Variants in RNF213 observed in about 807,000 individuals in gnomAD.
The protein encoded by RNF213 is E3 ubiquitin-protein ligase RNF213.
RNF213 carries 341 observed loss-of-function variants against 514.4 expected under a neutral mutation model. The observed-to-expected ratio is 0.66, with a 90% CI of 0.61 to 0.73. The LOEUF (loss-of-function observed/expected upper bound fraction) is 0.73. Ranked by LOEUF, RNF213 falls within the 30% of genes least tolerant of loss-of-function variation. The probability of loss-of-function intolerance (pLI) is 0.00; values close to 1 mark genes in which losing one functional copy is unlikely to be tolerated. For synonymous variants in RNF213, 2,655 were observed against 2,658.2 expected (o/e 1.00, Z 0.04); for missense variants, 5,767 against 6,615.6 (o/e 0.87, Z 4.45).
intron 17 of RNF213, 140 bp from the exon 18 acceptor site, chr17:80,324,890 A>G (rs1480807726): frequency 1.8e-5 from 14 of 777,826 alleles, no homozygotes; most frequent in African/African-American, 8.7e-5. Context: ...GTGTTTTACT[A>G]TTTTGCTCTT....
chr17:80,297,297 A>G (rs1048465863), intron 10 of RNF213, among the ~76,000 whole-genome samples: 5 of 151,762 alleles, frequency 3.3e-5, no homozygotes, highest in South Asian at 4.2e-4. Context: ...TAAAAATACA[A>G]AATTTAGCCG....
intron 13 of RNF213, among the ~76,000 whole-genome samples, chr17:80,307,793 G>A (rs896780242): frequency 1.5e-4 from 22 of 149,988 alleles, no homozygotes; most frequent in South Asian, 4.3e-4. Context: ...CAGGTGATCC[G>A]CCTGTCTGGG....
chr17:80,390,447 C>G (rs2080420082), intron 67 of RNF213, among the ~76,000 whole-genome samples: 1 of 152,066 alleles, frequency 6.6e-6, no homozygotes, highest in Admixed American at 6.5e-5. Flanking sequence ...GTGGAGTAAT[C>G]TCAACTCACT....
chr17:80,363,862 A>AC lies in RNF213; in HGVS notation c.11750+72_11750+73insC, dbSNP rs1227808571. ...ACCAGGAGCCTGCCAAGTGCCAGGC[A>AC]TGTCCATGAGAAGACGGGCAGGTGC... On this transcript the variant is annotated intron_variant, in intron 41 of 67. Transcript: ENST00000582970. 20 of 1,457,684 alleles carry AC rather than the reference A, an allele frequency of 1.4e-5. No individual in the cohort carries two copies. The African/African-American group carries it at 2.4e-4, about 17-fold the overall frequency. The allele number at this position is 1,457,684 out of a possible 1,614,324, so 90.3% of individuals were successfully genotyped here.
chr17:80,341,656 C>G (rs559326415), intron 26 of RNF213: 1 of 152,106 alleles, frequency 6.6e-6, no homozygotes, highest in Non-Finnish European at 1.5e-5. Flanking sequence ...GAGGATCGCT[C>G]CAGCCCAAGA....
rs538533953 is a variant in RNF213 at position 80,304,618 on chromosome 17, C to A, written c.2211-1634C>A. Among the ~76,000 whole-genome samples, 762 of 151,966 alleles carry A rather than the reference C, an allele frequency of 5.0e-3. 7 individuals are homozygous for A. The highest frequency in any genetic ancestry group is 0.015 in the African/African-American group (601 of 41,410). ...TCACACCACTGCACTCCAGCCAAGG[C>A]AACAGAGTGAGACTCCAACACAAAT... On this transcript the variant is annotated intron_variant, in intron 11 of 67. Coordinates refer to ENST00000582970, the MANE Select transcript of RNF213 (RefSeq NM_001256071.3).
In RNF213 at chr17:80,263,668, T is replaced by C. The variant is rs1354331689; in HGVS notation, c.-14T>C. 1.9e-6 allele frequency: 3 copies of C among 1,609,792 alleles called. No individual in the cohort carries two copies. Among genetic ancestry groups the C allele is most frequent in the Admixed American group, 1.7e-5 (1 of 59,998 alleles). On this transcript the variant is annotated 5_prime_UTR_variant, in exon 2 of 68. Transcript: ENST00000582970. The surrounding 1 kb of genome is among the most constrained non-coding windows in gnomAD (Gnocchi z 4.9). Reference sequence around the variant, plus strand: ...TCTTGCTTCTGGATCTGCAGGGCAGTCCCAGCAGGACCCATGGAGTGTCCT... The same window carrying C: ...TCTTGCTTCTGGATCTGCAGGGCAGCCCCAGCAGGACCCATGGAGTGTCCT...
chr17:80,349,201 G>T (rs1303700219), intron 29 of RNF213, among the ~76,000 whole-genome samples: 4 of 152,204 alleles, frequency 2.6e-5, no homozygotes, highest in Non-Finnish European at 5.9e-5. Flanking sequence ...ACAGCAGGTT[G>T]TGGGAGGCTA....
intron 3 of RNF213, among the ~76,000 whole-genome samples, chr17:80,274,236 T>G (rs886781929): frequency 7.2e-5 from 11 of 152,060 alleles, no homozygotes; most frequent in South Asian, 4.1e-4. Context: ...AGGGTATGGC[T>G]GAGCCACCTT....
At chr17:80,285,876 ATGTTGGCCAGGCTGGTGGCGAAC>A in intron 3 of RNF213, among the ~76,000 whole-genome samples, 1 of 152,062 alleles carries the variant, frequency 6.6e-6, no homozygotes, top group Non-Finnish European at 1.5e-5. Context: ...GGATCTCACC[ATGTTGGCCAGGCTGGTGGCGAAC>A]TCCTGACCTC....
chr17:80,354,616 G>A (rs373402742), intron 36 of RNF213, 40 bp downstream of exon 36: 5 of 1,612,934 alleles, frequency 3.1e-6, no homozygotes, highest in South Asian at 2.2e-5. Flanking sequence ...CTCCAATCTG[G>A]TGGCAGCATG....
chr17:80,307,362 G>GCTT (rs550244427), intron 13 of RNF213, among the ~76,000 whole-genome samples, 161 bp downstream of exon 13: 5 of 113,704 alleles, frequency 4.4e-5, no homozygotes, highest in Non-Finnish European at 5.2e-5. Flanking sequence ...ATTGTCGTCT[G>GCTT]TTTTTTTTTT....
chr17:80,362,593 C>T (rs1017612711), intron 39 of RNF213, among the ~76,000 whole-genome samples: 8 of 152,224 alleles, frequency 5.3e-5, no homozygotes, highest in African/African-American at 1.4e-4. Context: ...AGCCAGGCCA[C>T]GCGGCTGACA....
At chr17:80,338,128 C>T (rs2078042300) in intron 25 of RNF213, 131 bp downstream of exon 25, 13 of 1,157,152 alleles carry the variant, frequency 1.1e-5, no homozygotes, top group Non-Finnish European at 1.6e-5. Flanking sequence ...CTCTTAGGCC[C>T]ATGGAGAGTA....
chr17:80,369,374 G>A (rs969820810), intron 44 of RNF213, 128 bp from the exon 45 acceptor site: 32 of 925,024 alleles, frequency 3.5e-5, no homozygotes, highest in Non-Finnish European at 5.4e-5. Flanking sequence ...CTCCAGCCTG[G>A]GCAACAAGAG....
chr17:80,365,843 TA>T (rs527967642), intron 42 of RNF213, among the ~76,000 whole-genome samples: 153 of 152,280 alleles, frequency 1.0e-3, no homozygotes, highest in Middle Eastern at 3.4e-3. Flanking sequence ...GCGTGGGTCA[TA>T]AGGGCCAGGT....
intron 3 of RNF213, among the ~76,000 whole-genome samples, chr17:80,279,358 G>A (rs981906959): frequency 2.0e-5 from 3 of 152,206 alleles, no homozygotes; most frequent in African/African-American, 7.2e-5. Flanking sequence ...TGAACACAAG[G>A]TCTTGGATGG....
At position 80,376,496 on chromosome 17, in the gene RNF213, C is replaced by T; in HGVS notation, c.13381C>T (p.Leu4461Phe). 1 of 1,614,180 alleles carries T rather than the reference C, an allele frequency of 6.2e-7. No homozygotes were observed. Among genetic ancestry groups the T allele is most frequent in the Non-Finnish European group, 8.5e-7 (1 of 1,180,038 alleles). Reference sequence around the variant, plus strand: ...CGTCCTTCTGTGTGGACAGAATGAACTCTTGGAGCCCCTAAAGAATCTGGC... The same window carrying T: ...CGTCCTTCTGTGTGGACAGAATGAATTCTTGGAGCCCCTAAAGAATCTGGC... ...AAVLLCGQNELLEPLKNLAFS... is the reference protein window; with the variant it reads ...AAVLLCGQNEFLEPLKNLAFS... The change falls in exon 52 of 68, where the codon CTC becomes TTC. Residue 4461 changes from leucine to phenylalanine, a missense_variant. Physicochemically the swap from Leu to Phe is conservative, Grantham distance 22 (BLOSUM62 0). This residue lies in a region of RNF213 where 1,245 missense variants were observed against 1,339.0 expected (regional missense o/e 0.93). Coordinates refer to ENST00000582970, the MANE Select transcript of RNF213 (RefSeq NM_001256071.3).
In RNF213 at chr17:80,388,527, T is replaced by G. The variant is rs2080331427; in HGVS notation, c.14923-85T>G. The G allele has an allele frequency of 4.2e-6, 4 of 947,354 alleles. No individual in the cohort carries two copies. The South Asian group carries it at 5.2e-5, about 12-fold the overall frequency. 58.7% of individuals were successfully genotyped at this position (947,354 alleles called of 1,614,324 possible). A position where few individuals can be genotyped will look rare whatever the true frequency, so the allele number is the denominator to read the frequency against. On this transcript the variant is annotated intron_variant, in intron 63 of 67. Transcript: ENST00000582970. Reference sequence around the variant, plus strand: ...GGCAGCGCGGCACTACGCTGCAGTTTTCCGGCTGCAGATTCTGTTTGTCAT... The same window carrying G: ...GGCAGCGCGGCACTACGCTGCAGTTGTCCGGCTGCAGATTCTGTTTGTCAT...
Sources: gnomAD v4.1 joint callset for allele counts (sites outside exome capture counted in the v4.1 genomes callset) on GRCh38, gnomAD v4.1.1 for gene constraint, gnomAD v4.1.1 regional missense constraint, Gnocchi (gnomAD v3.1) non-coding constraint, MANE v1.5 for transcripts, NCBI Gene and HGNC (gene_info 2026-07-23, HGNC 2026-07-21) for gene names.